Variants in AGAP1 observed in about 807,000 individuals in gnomAD.
AGAP1 encodes the protein ArfGAP with GTPase domain, ankyrin repeat and PH domain 1.
Under a neutral mutation model 105.3 loss-of-function variants are expected in AGAP1, and 29 were observed. The ratio of observed to expected loss-of-function variants is 0.28; its 90% CI spans 0.21 to 0.38. The LOEUF (loss-of-function observed/expected upper bound fraction) is 0.38. Ranked by LOEUF, AGAP1 falls within the 10% of genes least tolerant of loss-of-function variation. AGAP1 has a pLI of 1.00. For synonymous variants in AGAP1, 509 were observed against 485.9 expected (o/e 1.05, Z -0.63); for missense variants, 998 against 1,165.1 (o/e 0.86, Z 2.09).
At chr2:235,676,751 T>C (rs1051640035) in intron 1 of AGAP1, among the ~76,000 whole-genome samples, 4 of 152,240 alleles carry the variant, frequency 2.6e-5, no homozygotes, top group Middle Eastern at 3.2e-3. Context: ...ATTGTCAATT[T>C]GTTTTCCTGT....
chr2:235,853,553 A>G (rs759968372), intron 9 of AGAP1, among the ~76,000 whole-genome samples: 8 of 152,186 alleles, frequency 5.3e-5, no homozygotes, highest in Non-Finnish European at 1.2e-4. Flanking sequence ...CTTTGTTAGC[A>G]AGACTAGATA....
rs2055704065 is a variant in AGAP1, at chr2:235,994,512, A to C, written c.1645+25889A>C. ...TTTCTTTCTGGTTTGAAAGTTGAGA[A>C]GTAGGTCATCACTGTCATCGTCATA... On this transcript the variant is annotated intron_variant, in intron 13 of 17. Transcript: ENST00000304032. This position sits in a 1 kb window ranked among gnomAD's most constrained non-coding sequence, Gnocchi z 4.4. Among the ~76,000 whole-genome samples the C allele has an allele frequency of 6.6e-6, 1 of 152,146 alleles. No homozygotes were observed. Among genetic ancestry groups the C allele is most frequent in the African/African-American group, 2.4e-5 (1 of 41,446 alleles).
At chr2:235,548,655 A>C (rs1369035343) in intron 1 of AGAP1, among the ~76,000 whole-genome samples, 26 of 6,958 alleles carry the variant, frequency 3.7e-3, no homozygotes, top group Non-Finnish European at 5.1e-3. Context: ...CTCCGTCTTC[A>C]AAAAAAAAAA....
At chr2:235,948,649 G>A (rs754178474) in intron 12 of AGAP1, among the ~76,000 whole-genome samples, 2 of 152,134 alleles carry the variant, frequency 1.3e-5, no homozygotes, top group Non-Finnish European at 2.9e-5. Flanking sequence ...TCTTTGTAGC[G>A]CTAGAGATGG....
chr2:235,947,205 T>C (rs1007596566), intron 12 of AGAP1, among the ~76,000 whole-genome samples: 17 of 152,258 alleles, frequency 1.1e-4, no homozygotes, highest in East Asian at 1.9e-4. Flanking sequence ...ACCCAACGTG[T>C]AGTCTTTTAT....
At chr2:235,860,032 G>A (rs1237095099) in intron 9 of AGAP1, among the ~76,000 whole-genome samples, 1 of 152,170 alleles carries the variant, frequency 6.6e-6, no homozygotes, top group Non-Finnish European at 1.5e-5. Flanking sequence ...GCTTTCTTCT[G>A]TCCTCAGTAA....
chr2:235,817,748 G>A lies in AGAP1; in HGVS notation c.1050+10417G>A, dbSNP rs528016345. Among the ~76,000 whole-genome samples, 19 of 152,182 alleles carry A rather than the reference G, an allele frequency of 1.2e-4. No individual in the cohort carries two copies. The South Asian group carries it at 3.1e-3, about 25-fold the overall frequency. On this transcript the variant is annotated intron_variant, in intron 9 of 17. Coordinates refer to ENST00000304032, the MANE Select transcript of AGAP1 (RefSeq NM_001037131.3). ...TCTACCAAAAAGACAAAAAGTAGCCGGGCACGGTGGCGCATGCCTGTAATT... is the reference window on the plus strand; with the variant it reads ...TCTACCAAAAAGACAAAAAGTAGCCAGGCACGGTGGCGCATGCCTGTAATT...
At chr2:235,674,930 A>AC (rs1948644238) in intron 1 of AGAP1, among the ~76,000 whole-genome samples, 1 of 148,112 alleles carries the variant, frequency 6.8e-6, no homozygotes, top group Non-Finnish European at 1.5e-5. Flanking sequence ...CTCTTGATCC[A>AC]CCCCCCTCGG....
rs375110513 is a variant in AGAP1 at position 235,867,572 on chromosome 2, T to TGTGTGC, written c.1051-15770_1051-15769insTGCGTG. 0.04 allele frequency among the ~76,000 whole-genome samples: 5,939 copies of TGTGTGC among 148,398 alleles called. 140 individuals carry two copies. Among genetic ancestry groups the TGTGTGC allele is most frequent in the Middle Eastern group, 0.086 (25 of 292 alleles). On this transcript the variant is annotated intron_variant, in intron 9 of 17. Coordinates refer to ENST00000304032, the MANE Select transcript of AGAP1 (RefSeq NM_001037131.3). The surrounding 1 kb of genome is among the most constrained non-coding windows in gnomAD (Gnocchi z 5.4). ...GTGTGTGTGTGTGTGTGTGTGTGTG[T>TGTGTGC]GTGCAAGTGAGGGAGGGTGACCCCC...
intron 17 of AGAP1, among the ~76,000 whole-genome samples, chr2:236,122,005 G>A (rs1208958045): frequency 1.3e-5 from 2 of 150,206 alleles, no homozygotes; most frequent in African/African-American, 2.5e-5. Flanking sequence ...AGGCTGGAGT[G>A]CAGTGGCACA....
At chr2:235,998,415 C>T (rs765660094) in intron 13 of AGAP1, among the ~76,000 whole-genome samples, 2 of 152,162 alleles carry the variant, frequency 1.3e-5, no homozygotes, top group African/African-American at 2.4e-5. Context: ...GGAGGTGAGC[C>T]AGCAGGCTCC....
rs2051329533 is a variant in AGAP1, at chr2:235,906,834, C to T, written c.1156-1904C>T. ...AGCAAACATCTACTTGTTGATAAAC[C>T]CGTGACTCCTTCACAAGTGTGGGTG... On this transcript the variant is annotated intron_variant, in intron 10 of 17. Transcript: ENST00000304032. The surrounding 1 kb of genome is among the most constrained non-coding windows in gnomAD (Gnocchi z 5.3). Among the ~76,000 whole-genome samples the T allele has an allele frequency of 6.7e-6, 1 of 150,366 alleles. No individual in the cohort carries two copies. Among genetic ancestry groups the T allele is most frequent in the Non-Finnish European group, 1.5e-5 (1 of 68,036 alleles).
At chr2:235,925,772 T>G (rs1005041808) in intron 11 of AGAP1, among the ~76,000 whole-genome samples, 2 of 152,204 alleles carry the variant, frequency 1.3e-5, no homozygotes, top group Admixed American at 6.5e-5. Flanking sequence ...TCGGCAGGAC[T>G]GCTTCGAGCT....
chr2:236,102,881 A>C (rs536777037), intron 16 of AGAP1, among the ~76,000 whole-genome samples: 1 of 152,198 alleles, frequency 6.6e-6, no homozygotes, highest in Non-Finnish European at 1.5e-5. Flanking sequence ...CCTTTCGCTA[A>C]TAGTGTAACT....
rs192466091 is a variant in AGAP1, at chr2:235,556,555, G to T, written c.163+61706G>T. Among the ~76,000 whole-genome samples the T allele has an allele frequency of 6.6e-6, 1 of 152,208 alleles. No homozygotes were observed. ...TTTTCTGCTCTGACCAGGCACCTTG[G>T]GGGAGGGAAGGCATCAGGAGCCTTC... On this transcript the variant is annotated intron_variant, in intron 1 of 17. Transcript: ENST00000304032. The surrounding 1 kb of genome is among the most constrained non-coding windows in gnomAD (Gnocchi z 5.3).
intron 9 of AGAP1, chr2:235,853,318 A>G (rs771311940): frequency 1.1e-4 from 75 of 706,972 alleles, no homozygotes; most frequent in Admixed American, 1.3e-4. Context: ...TGAGTGAGGA[A>G]TTGTTTTAGG....
Position 235,981,450 on chromosome 2 carries a change from TACACACAC to T in AGAP1, c.1645+12844_1645+12851del, listed in dbSNP as rs10639320. ...AATTTCTAAGTTCATGTTCCATGCG[TACACACAC>T]ACACACACACACACACGGTGTTATT... On this transcript the variant is annotated intron_variant, in intron 13 of 17. Coordinates refer to ENST00000304032, the MANE Select transcript of AGAP1 (RefSeq NM_001037131.3). The surrounding 1 kb of genome is among the most constrained non-coding windows in gnomAD (Gnocchi z 5.5). Among the ~76,000 whole-genome samples the T allele has an allele frequency of 6.7e-6, 1 of 149,180 alleles. No homozygotes were observed. The highest frequency in any genetic ancestry group is 1.5e-5 in the Non-Finnish European group (1 of 67,120).
At chr2:235,952,964 C>T (rs1271806585) in intron 12 of AGAP1, among the ~76,000 whole-genome samples, 5 of 152,166 alleles carry the variant, frequency 3.3e-5, no homozygotes, top group Admixed American at 3.3e-4. Flanking sequence ...TTGACTGGGG[C>T]AATTGTTAGA....
rs2059011336 is a variant in AGAP1 at position 236,089,641 on chromosome 2, A to T, written c.2115-30551A>T. Among the ~76,000 whole-genome samples the T allele has an allele frequency of 6.6e-6, 1 of 152,216 alleles. No homozygotes were observed. Among genetic ancestry groups the T allele is most frequent in the Non-Finnish European group, 1.5e-5 (1 of 68,036 alleles). On this transcript the variant is annotated intron_variant, in intron 16 of 17. Coordinates refer to ENST00000304032, the MANE Select transcript of AGAP1 (RefSeq NM_001037131.3). The surrounding 1 kb of genome is among the most constrained non-coding windows in gnomAD (Gnocchi z 5.6). ...GCACAGAAGAAAAGGGAGGTTGTTT[A>T]ACCAGAAAGGCCCTCTGCAAATTTC...
Sources: gnomAD v4.1 joint callset for allele counts (sites outside exome capture counted in the v4.1 genomes callset) on GRCh38, gnomAD v4.1.1 for gene constraint, Gnocchi (gnomAD v3.1) non-coding constraint, MANE v1.5 for transcripts, NCBI Gene and HGNC (gene_info 2026-07-23, HGNC 2026-07-21) for gene names.